The following ERC1 variants were observed in gnomAD, a reference collection of about 807,000 sequenced individuals.
ERC1 encodes ELKS/RAB6-interacting/CAST family member 1.
ERC1 carries 56 observed loss-of-function variants against 132.0 expected under a neutral mutation model. The observed-to-expected ratio is 0.42, with a 90% CI of 0.34 to 0.53. The LOEUF (loss-of-function observed/expected upper bound fraction) is 0.53, where lower values mean the gene tolerates loss of function less well. Among genes scored for constraint, ERC1 ranks in the 20% least tolerant of loss-of-function variants. ERC1 has a pLI of 0.03. For missense variants in ERC1, 1,202 were observed against 1,349.9 expected, an observed-to-expected ratio of 0.89 and a Z score of 1.72; for synonymous variants, 478 against 476.1, an observed-to-expected ratio of 1.00 and a Z score of -0.05.
At chr12:1,104,009 GATTT>G (rs1944963835) in intron 3 of ERC1, among the ~76,000 whole-genome samples, 1 of 19,496 alleles carries the variant, frequency 5.1e-5, no homozygotes. Context: ...AGTACTGACT[GATTT>G]ATTTAGAGAC....
chr12:1,137,542 G>T (rs1329633015), intron 7 of ERC1, among the ~76,000 whole-genome samples: 2 of 152,030 alleles, frequency 1.3e-5, no homozygotes, highest in African/African-American at 2.4e-5. Flanking sequence ...TAGGATTACT[G>T]AGGATAAAAG....
rs927606691 is a variant in ERC1 at position 1,443,001 on chromosome 12, G to A, written c.3025-1561G>A. On this transcript the variant is annotated intron_variant, in intron 17 of 18. Transcript: ENST00000360905. ...CGGCTCACTGCAAGCTCCACCTCCC[G>A]GGTTCACACCATTCTCCTGCCTCTG... 2.0e-5 allele frequency among the ~76,000 whole-genome samples: 3 copies of A among 151,296 alleles called. 1 individual carries two copies. In the South Asian group the frequency reaches 6.3e-4, roughly 32 times the overall value.
chr12:1,484,793 G>A (rs2094175144), intron 18 of ERC1, among the ~76,000 whole-genome samples: 2 of 152,142 alleles, frequency 1.3e-5, no homozygotes, highest in East Asian at 1.9e-4. Context: ...TGCTAGTCAG[G>A]CTGGTCTCGA....
chr12:1,469,297 G>A lies in ERC1; in HGVS notation c.3214-20796G>A, dbSNP rs529260791. On this transcript the variant is annotated intron_variant, in intron 18 of 18. Coordinates refer to ENST00000360905, the MANE Select transcript of ERC1 (RefSeq NM_178040.4). Reference sequence around the variant, plus strand: ...CAGCTGTCATACGGGCATTGGGATCGTTGGAAAGTGCTGCAACATGGGAGT... The same window carrying A: ...CAGCTGTCATACGGGCATTGGGATCATTGGAAAGTGCTGCAACATGGGAGT... Among the ~76,000 whole-genome samples the A allele has an allele frequency of 5.9e-5, 9 of 152,358 alleles. No homozygotes were observed. The South Asian group carries it at 1.2e-3, about 21-fold the overall frequency.
intron 15 of ERC1, 134 bp downstream of exon 15, chr12:1,290,146 T>A: frequency 1.4e-6 from 1 of 729,892 alleles, no homozygotes; most frequent in Non-Finnish European, 2.2e-6. Flanking sequence ...TTTCTCACTC[T>A]CTAGAATAAA....
At chr12:1,319,164 T>G (rs1000196297) in intron 15 of ERC1, among the ~76,000 whole-genome samples, 2 of 152,212 alleles carry the variant, frequency 1.3e-5, no homozygotes, top group Non-Finnish European at 2.9e-5. Context: ...TTCTTCATTT[T>G]TCATCCCTTC....
chr12:1,363,143 A>G (rs2086293584), intron 15 of ERC1, among the ~76,000 whole-genome samples: 1 of 152,142 alleles, frequency 6.6e-6, no homozygotes, highest in Admixed American at 6.5e-5. Flanking sequence ...ATCCTTGTGG[A>G]TTAGAATACA....
chr12:1,424,078 C>G (rs1319048290), intron 17 of ERC1, among the ~76,000 whole-genome samples: 4 of 151,856 alleles, frequency 2.6e-5, no homozygotes, highest in African/African-American at 7.3e-5. Context: ...AATCTATTTT[C>G]TAAGTCTCAG....
intron 8 of ERC1, among the ~76,000 whole-genome samples, chr12:1,175,580 C>G (rs1300048358): frequency 4.7e-5 from 7 of 149,200 alleles, no homozygotes; most frequent in African/African-American, 1.5e-4. Flanking sequence ...GTTGCCCGGG[C>G]TGGAGTGCAA....
chr12:1,094,288 G>A (rs1182244211), intron 3 of ERC1, among the ~76,000 whole-genome samples: 1 of 151,392 alleles, frequency 6.6e-6, no homozygotes, highest in Non-Finnish European at 1.5e-5. Flanking sequence ...CAAAGTGCTG[G>A]GACAACAGGC....
chr12:1,070,859 G>A (rs947023686), intron 2 of ERC1, among the ~76,000 whole-genome samples: 3 of 151,986 alleles, frequency 2.0e-5, no homozygotes, highest in African/African-American at 4.8e-5. Flanking sequence ...TCCCCAGTTC[G>A]CATCATCCCT....
intron 2 of ERC1, among the ~76,000 whole-genome samples, chr12:1,029,703 C>A (rs1967620397): frequency 6.7e-6 from 1 of 148,628 alleles, no homozygotes; most frequent in African/African-American, 2.5e-5. Context: ...AAGATGTGAA[C>A]AAATCATATT....
intron 7 of ERC1, among the ~76,000 whole-genome samples, chr12:1,135,547 GT>G (rs1949165318): frequency 6.6e-6 from 1 of 152,164 alleles, no homozygotes; most frequent in African/African-American, 2.4e-5. Flanking sequence ...TGGAAATAGG[GT>G]CTTTGAAGCT....
At chr12:1,381,253 G>C (rs1015628392) in intron 16 of ERC1, 9 of 152,140 alleles carry the variant, frequency 5.9e-5, no homozygotes, top group African/African-American at 2.2e-4. Flanking sequence ...GAAAACTTTG[G>C]TTAGAATATT....
intron 11 of ERC1, among the ~76,000 whole-genome samples, chr12:1,184,971 CACAACCTCGGCTCACT>C (rs1954909807): frequency 6.6e-6 from 1 of 152,090 alleles, no homozygotes; most frequent in Non-Finnish European, 1.5e-5. Context: ...AGTGCAGTGG[CACAACCTCGGCTCACT>C]GCAACCTCCG....
At chr12:1,277,170 CTGT>C (rs1334247710) in intron 14 of ERC1, among the ~76,000 whole-genome samples, 3 of 152,206 alleles carry the variant, frequency 2.0e-5, no homozygotes, top group Non-Finnish European at 4.4e-5. Flanking sequence ...TGTAGGCCCA[CTGT>C]TGTTGACCTC....
Position 1,115,894 on chromosome 12 carries a change from G to A in ERC1, c.1430G>A (p.Arg477Lys). ...EIGQVKQELS[R>K]KDTELLALQT... Reference sequence around the variant, plus strand: ...GGCCAGGTGAAACAGGAGCTGTCCAGAAAGGACACAGAACTACTCGCCCTG... The same window carrying A: ...GGCCAGGTGAAACAGGAGCTGTCCAAAAAGGACACAGAACTACTCGCCCTG... The change falls in exon 7 of 19, where the codon AGA becomes AAA. Residue 477 changes from arginine to lysine, a missense_variant. Coordinates refer to ENST00000360905, the MANE Select transcript of ERC1 (RefSeq NM_178040.4). 1 of 1,614,010 alleles carries A rather than the reference G, an allele frequency of 6.2e-7. No homozygotes were observed. Among genetic ancestry groups the A allele is most frequent in the Non-Finnish European group, 8.5e-7 (1 of 1,179,946 alleles).
chr12:1,266,919 A>C (rs540958275), intron 14 of ERC1, among the ~76,000 whole-genome samples: 1 of 152,240 alleles, frequency 6.6e-6, no homozygotes, highest in Non-Finnish European at 1.5e-5. Context: ...GGATATCTAC[A>C]TCTCTTAATT....
chr12:1,025,791 A>G (rs79265177), intron 1 of ERC1, among the ~76,000 whole-genome samples: 1 of 147,162 alleles, frequency 6.8e-6, no homozygotes, highest in South Asian at 2.1e-4. Flanking sequence ...TTTAAAAAGG[A>G]AAGTTTTTTT....
Sources: allele counts gnomAD v4.1 joint callset (sites outside exome capture counted in the v4.1 genomes callset), GRCh38; gene constraint gnomAD v4.1.1; transcripts MANE v1.5; gene names NCBI Gene and HGNC (gene_info 2026-07-23, HGNC 2026-07-21).